Variants in ARHGAP32 observed in about 807,000 individuals in gnomAD.
The protein encoded by ARHGAP32 is Rho GTPase activating protein 32.
In ARHGAP32, 51 loss-of-function variants were observed where a neutral mutation model predicts 186.5. That is an observed-to-expected ratio of 0.27 (90% CI 0.22 to 0.35). The LOEUF is 0.35. ARHGAP32 is among the 10% of genes least tolerant of loss of function. ARHGAP32 has a pLI of 1.00. For synonymous variants in ARHGAP32, 950 were observed against 964.3 expected (o/e 0.99, Z 0.27); for missense variants, 2,186 against 2,623.5 (o/e 0.83, Z 3.64).
chr11:129,131,652 C>T (rs1466924208), intron 2 of ARHGAP32, among the ~76,000 whole-genome samples: 1 of 152,130 alleles, frequency 6.6e-6, no homozygotes, highest in African/African-American at 2.4e-5. Context: ...CCCATGATCC[C>T]ATCACCTCCC....
intron 6 of ARHGAP32, among the ~76,000 whole-genome samples, chr11:129,084,818 G>A (rs1941332130): frequency 6.6e-6 from 1 of 151,982 alleles, no homozygotes; most frequent in Admixed American, 6.6e-5. Context: ...AATAAGAAAA[G>A]GAAACCCAAG....
chr11:129,042,923 G>A (rs1277782903), intron 10 of ARHGAP32, among the ~76,000 whole-genome samples: 1 of 152,136 alleles, frequency 6.6e-6, no homozygotes, highest in Non-Finnish European at 1.5e-5. Context: ...GAGGTGCCCT[G>A]GAAATAGCTG....
intron 1 of ARHGAP32, among the ~76,000 whole-genome samples, chr11:129,164,831 C>T (rs1478691710): frequency 6.6e-6 from 1 of 152,014 alleles, no homozygotes; most frequent in East Asian, 1.9e-4. Context: ...TTTCTGGTTC[C>T]AATCAATGGA....
In ARHGAP32 at chr11:128,970,891, A is replaced by G; in HGVS notation, c.4322T>C (p.Ile1441Thr). 2 of 1,614,220 alleles carry G rather than the reference A, an allele frequency of 1.2e-6. No homozygotes were observed. Among genetic ancestry groups the G allele is most frequent in the Non-Finnish European group, 1.7e-6 (2 of 1,180,044 alleles). Residue 1441 changes from isoleucine to threonine, a missense_variant, in exon 23 of 23, where the codon ATA becomes ACA. Transcript: ENST00000682385. The surrounding 1 kb of genome is among the most constrained non-coding windows in gnomAD (Gnocchi z 5.8). ...GGTGGCATCTGCACTGCTGGAGTGT[A>G]TGGCAGCAATCATCTTACTCTCCAT... is the stretch of plus-strand genomic sequence containing the variant. ...RMMESKMIAAIHSSSADATSS... is the reference protein window; with the variant it reads ...RMMESKMIAATHSSSADATSS...
At chr11:129,231,827 C>A (rs1367539549) in intron 1 of ARHGAP32, among the ~76,000 whole-genome samples, 1 of 151,812 alleles carries the variant, frequency 6.6e-6, no homozygotes, top group Non-Finnish European at 1.5e-5. Context: ...GAGTTCAAGA[C>A]CAGCCTGGGC....
rs147923664 is a variant in ARHGAP32 at position 129,171,726 on chromosome 11, T to C, written c.117-7299A>G. Among the ~76,000 whole-genome samples, 31 of 152,350 alleles carry C rather than the reference T, an allele frequency of 2.0e-4. No individual in the cohort carries two copies. In the East Asian group the frequency reaches 2.1e-3, roughly 10 times the overall value. ...TGTAAGAATGTCAATGGTAGCTTGA[T>C]GGGAATAGCACTGAATCTATAAATT... On this transcript the variant is annotated intron_variant, in intron 1 of 22. Coordinates refer to ENST00000682385, the MANE Select transcript of ARHGAP32 (RefSeq NM_001378024.1).
At chr11:129,069,415 C>G (rs1449175254) in intron 6 of ARHGAP32, among the ~76,000 whole-genome samples, 1 of 151,992 alleles carries the variant, frequency 6.6e-6, no homozygotes, top group Non-Finnish European at 1.5e-5. Context: ...CTGGGCTGAA[C>G]CTACCAAAAG....
intron 1 of ARHGAP32, among the ~76,000 whole-genome samples, chr11:129,190,790 G>A (rs1944254783): frequency 6.6e-6 from 1 of 152,088 alleles, no homozygotes; most frequent in Non-Finnish European, 1.5e-5. Flanking sequence ...CTCATTGTTA[G>A]CAAGACACAA....
At chr11:129,274,829 C>CTAAA (rs1945512694) in intron 1 of ARHGAP32, among the ~76,000 whole-genome samples, 1 of 150,918 alleles carries the variant, frequency 6.6e-6, no homozygotes, top group South Asian at 2.1e-4. Flanking sequence ...ATAAGGAAGA[C>CTAAA]TTTAGAGTAC....
intron 21 of ARHGAP32, 62 bp downstream of exon 21, chr11:128,974,062 T>G (rs768065311): frequency 6.4e-7 from 1 of 1,562,278 alleles, no homozygotes; most frequent in African/African-American, 1.4e-5. Flanking sequence ...AAGGCACAGA[T>G]GGCACACAGG....
intron 2 of ARHGAP32, among the ~76,000 whole-genome samples, chr11:129,139,198 T>C (rs962324609): frequency 7.9e-5 from 12 of 152,120 alleles, no homozygotes; most frequent in African/African-American, 2.7e-4. Context: ...AGTAATTCCC[T>C]ATAAAATAAT....
intron 11 of ARHGAP32, among the ~76,000 whole-genome samples, chr11:129,019,463 C>T (rs188949496): frequency 8.6e-4 from 131 of 152,172 alleles, no homozygotes; most frequent in African/African-American, 3.0e-3. Context: ...CGAATTACCT[C>T]CTTAAAAGTT....
At position 129,235,202 on chromosome 11, in the gene ARHGAP32, C is replaced by A. The variant is rs568726137; in HGVS notation, c.-5+43944G>T. ...CGGAACTTAAATAAACTTCTGTAAG[C>A]TACCAAGTTTGTGGTCACCTGTTAT... On this transcript the variant is annotated intron_variant, in intron 1 of 6. Coordinates refer to the ARHGAP32 transcript ENST00000525234. Among the ~76,000 whole-genome samples the A allele has an allele frequency of 1.5e-4, 23 of 152,240 alleles. No homozygotes were observed. The South Asian group carries it at 4.4e-3, about 29-fold the overall frequency.
intron 5 of ARHGAP32, among the ~76,000 whole-genome samples, chr11:129,102,767 C>T (rs978213354): frequency 6.6e-6 from 1 of 152,066 alleles, no homozygotes; most frequent in Non-Finnish European, 1.5e-5. Context: ...TGGTGGTATT[C>T]GTACTGCCAC....
chr11:129,085,475 T>C (rs1212094726), intron 6 of ARHGAP32, among the ~76,000 whole-genome samples: 3 of 152,056 alleles, frequency 2.0e-5, no homozygotes, highest in Admixed American at 2.0e-4. Context: ...CCTAAATAAA[T>C]GGAGAAATGT....
At chr11:129,120,931 GATCT>G (rs1942512485) in intron 5 of ARHGAP32, among the ~76,000 whole-genome samples, 1 of 152,080 alleles carries the variant, frequency 6.6e-6, no homozygotes, top group Admixed American at 6.6e-5. Context: ...TACAACTGAT[GATCT>G]ATTATTGACA....
At chr11:129,056,941 C>T (rs527872487) in intron 10 of ARHGAP32, among the ~76,000 whole-genome samples, 2 of 152,286 alleles carry the variant, frequency 1.3e-5, no homozygotes, top group African/African-American at 4.8e-5. Flanking sequence ...CCTAGGAAAA[C>T]CACCGGTGAC....
chr11:129,045,477 T>C (rs1278643286), intron 10 of ARHGAP32, among the ~76,000 whole-genome samples: 1 of 152,230 alleles, frequency 6.6e-6, no homozygotes, highest in Admixed American at 6.5e-5. Context: ...ACAGATTCCA[T>C]TTTACCATCA....
intron 1 of ARHGAP32, among the ~76,000 whole-genome samples, chr11:129,187,861 A>G (rs889431242): frequency 1.3e-5 from 2 of 152,180 alleles, no homozygotes; most frequent in Non-Finnish European, 2.9e-5. Context: ...AAAGCCACAC[A>G]GTATAAAATG....
Sources: allele counts gnomAD v4.1 joint callset (sites outside exome capture counted in the v4.1 genomes callset), GRCh38; gene constraint gnomAD v4.1.1; non-coding constraint Gnocchi (gnomAD v3.1); transcripts MANE v1.5; gene names NCBI Gene and HGNC (gene_info 2026-07-23, HGNC 2026-07-21).